The following BMP6 variants were observed in gnomAD, a reference collection of about 807,000 sequenced individuals.
BMP6 encodes the protein VG-1-R.
Under a neutral mutation model 54.1 loss-of-function variants are expected in BMP6, and 17 were observed. The ratio of observed to expected loss-of-function variants is 0.31; its 90% confidence interval spans 0.22 to 0.47. BMP6 has a LOEUF of 0.47. BMP6 is among the 20% of genes least tolerant of loss of function. BMP6 has a pLI of 1.00. For synonymous variants in BMP6, 328 were observed against 291.2 expected (o/e 1.13, Z -1.28); for missense variants, 720 against 690.4 (o/e 1.04, Z -0.48).
chr6:7,792,029 G>A (rs1758116813), intron 1 of BMP6, among the ~76,000 whole-genome samples: 1 of 117,588 alleles, frequency 8.5e-6, no homozygotes, highest in Non-Finnish European at 1.8e-5. Flanking sequence ...TGGATGGATG[G>A]ATGGAAACTT....
chr6:7,794,081 G>A (rs563900345), intron 1 of BMP6, among the ~76,000 whole-genome samples: 1 of 152,340 alleles, frequency 6.6e-6, no homozygotes, highest in Non-Finnish European at 1.5e-5. Flanking sequence ...TCAGAGGCCT[G>A]TGGCACTGAT....
At chr6:7,732,130 C>T (rs1761871437) in intron 1 of BMP6, among the ~76,000 whole-genome samples, 1 of 152,162 alleles carries the variant, frequency 6.6e-6, no homozygotes, top group Non-Finnish European at 1.5e-5. Context: ...CTAAACATAG[C>T]ATCAGTAGTA....
intron 1 of BMP6, among the ~76,000 whole-genome samples, chr6:7,742,181 G>A (rs931887015): frequency 6.6e-6 from 1 of 152,170 alleles, no homozygotes. Context: ...TTCTTGCAGG[G>A]TTTATGTTCT....
At chr6:7,852,989 G>T (rs971726771) in intron 2 of BMP6, among the ~76,000 whole-genome samples, 5 of 152,064 alleles carry the variant, frequency 3.3e-5, no homozygotes, top group African/African-American at 1.2e-4. Flanking sequence ...CTTGAATTTT[G>T]ATTTTCTCCC....
intron 1 of BMP6, among the ~76,000 whole-genome samples, chr6:7,805,132 A>C (rs781346111): frequency 6.6e-6 from 1 of 152,232 alleles, no homozygotes; most frequent in Non-Finnish European, 1.5e-5. Flanking sequence ...TTTTGTCCCT[A>C]GTCTACAGAT....
intron 1 of BMP6, among the ~76,000 whole-genome samples, chr6:7,772,201 C>G (rs746259360): frequency 6.6e-6 from 1 of 152,202 alleles, no homozygotes; most frequent in Non-Finnish European, 1.5e-5. Flanking sequence ...CATAACCAAA[C>G]TCATTCAGGT....
intron 2 of BMP6, among the ~76,000 whole-genome samples, chr6:7,856,771 T>C (rs1372448943): frequency 1.3e-5 from 2 of 150,528 alleles, no homozygotes; most frequent in African/African-American, 4.9e-5. Flanking sequence ...TAATTTTTTG[T>C]ATTTTTAGTA....
chr6:7,737,976 T>C (rs1015829098), intron 1 of BMP6, among the ~76,000 whole-genome samples: 10 of 152,164 alleles, frequency 6.6e-5, no homozygotes, highest in African/African-American at 1.4e-4. Context: ...TTCTTTTTTT[T>C]TTCTTCTTTT....
At chr6:7,759,139 C>T (rs995061676) in intron 1 of BMP6, among the ~76,000 whole-genome samples, 1 of 152,180 alleles carries the variant, frequency 6.6e-6, no homozygotes, top group Non-Finnish European at 1.5e-5. Context: ...ATTTGACATT[C>T]AATGAATCAG....
chr6:7,876,701 A>C (rs766391150), intron 4 of BMP6, among the ~76,000 whole-genome samples: 1 of 152,200 alleles, frequency 6.6e-6, no homozygotes, highest in Non-Finnish European at 1.5e-5. Context: ...TAACCTGTTT[A>C]ATCTGATCTT....
chr6:7,871,072 G>GT (rs947634528), intron 4 of BMP6, among the ~76,000 whole-genome samples: 4 of 126,496 alleles, frequency 3.2e-5, no homozygotes, highest in Non-Finnish European at 6.8e-5. Context: ...CCTACAAATA[G>GT]TTTTGTGTGT....
At position 7,879,120 on chromosome 6, in the gene BMP6, G is replaced by A. The variant is rs1350882608; in HGVS notation, c.1251G>A (p.Leu417=). ...ELKTACRKHE[L]YVSFQDLGWQ... is the part of the protein sequence containing the mutation. ...AAACAGCCTGCAGGAAGCATGAGCTGTATGTGAGTTTCCAAGACCTGGGAT... is the reference window on the plus strand; with the variant it reads ...AAACAGCCTGCAGGAAGCATGAGCTATATGTGAGTTTCCAAGACCTGGGAT... The change falls in exon 5 of 7, where the codon CTG becomes CTA. Residue 417 remains leucine, a synonymous_variant. Coordinates refer to ENST00000283147, the MANE Select transcript of BMP6 (RefSeq NM_001718.6). The A allele has an allele frequency of 1.2e-6, 2 of 1,614,114 alleles. No individual in the cohort carries two copies. The highest frequency in any genetic ancestry group is 1.7e-6 in the Non-Finnish European group (2 of 1,180,030).
At chr6:7,795,332 G>A (rs1758176627) in intron 1 of BMP6, among the ~76,000 whole-genome samples, 1 of 152,202 alleles carries the variant, frequency 6.6e-6, no homozygotes, top group South Asian at 2.1e-4. Context: ...GAAGGACAGA[G>A]TCAAGTCCTA....
chr6:7,775,893 A>G (rs1019668715), intron 1 of BMP6, among the ~76,000 whole-genome samples: 2 of 152,214 alleles, frequency 1.3e-5, no homozygotes, highest in African/African-American at 2.4e-5. Context: ...TCTACCTTCT[A>G]AGAAGAAATT....
chr6:7,836,091 G>T (rs1758871039), intron 1 of BMP6, among the ~76,000 whole-genome samples: 1 of 151,960 alleles, frequency 6.6e-6, no homozygotes, highest in Non-Finnish European at 1.5e-5. Flanking sequence ...TCTGCCCACG[G>T]CCTCCCAAAG....
At chr6:7,861,357 T>G in intron 2 of BMP6, 94 bp from the exon 3 acceptor site, 1 of 1,494,288 alleles carries the variant, frequency 6.7e-7, no homozygotes, top group Non-Finnish European at 9.1e-7. Context: ...GTGATCTGAC[T>G]CGGGCATGTT....
chr6:7,823,746 G>T (rs78846680), intron 1 of BMP6, among the ~76,000 whole-genome samples: 1 of 152,176 alleles, frequency 6.6e-6, no homozygotes, highest in Non-Finnish European at 1.5e-5. Context: ...ATGTGCAAAG[G>T]TCCTGTGGCA....
chr6:7,803,375 A>G (rs1321919096), intron 1 of BMP6, among the ~76,000 whole-genome samples: 2 of 152,176 alleles, frequency 1.3e-5, no homozygotes, highest in Non-Finnish European at 2.9e-5. Context: ...ATGTCATCCT[A>G]GACACCACTA....
chr6:7,735,675 G>A (rs1404365743), intron 1 of BMP6, among the ~76,000 whole-genome samples: 1 of 152,124 alleles, frequency 6.6e-6, no homozygotes, highest in African/African-American at 2.4e-5. Flanking sequence ...CCCCACAGGT[G>A]CACAGACTCC....
Sources: gnomAD v4.1 joint callset for allele counts (sites outside exome capture counted in the v4.1 genomes callset) on GRCh38, gnomAD v4.1.1 for gene constraint, MANE v1.5 for transcripts, NCBI Gene and HGNC (gene_info 2026-07-23, HGNC 2026-07-21) for gene names.